HPS3: variants seen among roughly 807,000 people sequenced by gnomAD.
HPS3 encodes BLOC-2 complex member HPS3.
HPS3 carries 79 observed loss-of-function variants against 110.9 expected under a neutral mutation model. The ratio of observed to expected loss-of-function variants is 0.71; its 90% CI spans 0.59 to 0.86. HPS3 has a LOEUF of 0.86. Among genes scored for constraint, HPS3 ranks in the 40% least tolerant of loss-of-function variants. The probability of loss-of-function intolerance (pLI) is 0.00; values close to 1 mark genes in which losing one functional copy is unlikely to be tolerated. For missense variants in HPS3, 1,197 were observed against 1,206.2 expected, an observed-to-expected ratio of 0.99 and a Z score of 0.11; for synonymous variants, 428 against 451.0, an observed-to-expected ratio of 0.95 and a Z score of 0.65.
At chr3:149,154,963 A>G (rs1397739217) in intron 7 of HPS3, 144 bp from the exon 8 acceptor site, 3 of 629,534 alleles carry the variant, frequency 4.8e-6, no homozygotes, top group Non-Finnish European at 8.5e-6. Flanking sequence ...AATATTCCAT[A>G]GAAATAGAGT....
intron 14 of HPS3, among the ~76,000 whole-genome samples, chr3:149,164,826 G>A (rs1488404386): frequency 1.3e-5 from 2 of 152,166 alleles, no homozygotes; most frequent in Non-Finnish European, 2.9e-5. Context: ...AATGCTGAGT[G>A]TCTGTTTTCC....
At chr3:149,139,946 A>G in intron 1 of HPS3, 58 bp from the exon 2 acceptor site, 1 of 1,484,682 alleles carries the variant, frequency 6.7e-7, no homozygotes, top group East Asian at 2.3e-5. Context: ...CATGTCAGCA[A>G]GGGAGGTGGT....
chr3:149,145,332 T>G (rs1722725126), intron 4 of HPS3, 22 bp from the exon 5 acceptor site: 1 of 1,567,798 alleles, frequency 6.4e-7, no homozygotes, highest in Non-Finnish European at 8.8e-7. Context: ...TGGTGTTTTA[T>G]TTCTTTCATT....
In HPS3 at chr3:149,129,667, G is replaced by A. The variant is rs947879361; in HGVS notation, c.-57G>A. ...GTAGTCCTACATTCGCGGTCAGCGC[G>A]GGGTCTCCGGGCGCCCTGCAGGGCG... On this transcript the variant is annotated 5_prime_UTR_variant, in exon 1 of 17. Coordinates refer to ENST00000296051, the MANE Select transcript of HPS3 (RefSeq NM_032383.5). 3.1e-5 allele frequency: 42 copies of A among 1,347,382 alleles called. No homozygotes were observed. The highest frequency in any genetic ancestry group is 4.0e-5 in the Non-Finnish European group (41 of 1,013,382). The allele number at this position is 1,347,382 out of a possible 1,614,324, so 83.5% of individuals were successfully genotyped here. A position where few individuals can be genotyped will look rare whatever the true frequency, so the allele number is the denominator to read the frequency against.
At position 149,141,321 on chromosome 3, in the gene HPS3, A is replaced by T. The variant is rs748088057; in HGVS notation, c.911A>T (p.Tyr304Phe). The part of the protein sequence containing the change: ...YRRFAPDISS[Y>F]VLSDDIKLHS... ...CGTTTTGCTCCTGATATTTCGTCCTATGTCTTGTCTGATGACATCAAGCTA... is the reference window on the plus strand; with the variant it reads ...CGTTTTGCTCCTGATATTTCGTCCTTTGTCTTGTCTGATGACATCAAGCTA... The change falls in exon 4 of 17, where the codon TAT becomes TTT. Residue 304 changes from tyrosine to phenylalanine, a missense_variant. Physicochemically the swap from Tyr to Phe is conservative, Grantham distance 22. Coordinates refer to ENST00000296051, the MANE Select transcript of HPS3 (RefSeq NM_032383.5). 7 of 1,612,030 alleles carry T rather than the reference A, an allele frequency of 4.3e-6. No homozygotes were observed. The highest frequency in any genetic ancestry group is 3.3e-5 in the Admixed American group (2 of 59,720).
chr3:149,150,929 G>A (rs1267921410), intron 6 of HPS3, among the ~76,000 whole-genome samples: 4 of 152,096 alleles, frequency 2.6e-5, no homozygotes, highest in Non-Finnish European at 4.4e-5. Context: ...TTAAAGTTTG[G>A]TAAAGAATAT....
chr3:149,155,961 G>A (rs186116335), intron 8 of HPS3, among the ~76,000 whole-genome samples: 1 of 152,224 alleles, frequency 6.6e-6, no homozygotes, highest in African/African-American at 2.4e-5. Flanking sequence ...TTGAGCCCAG[G>A]AGTTCAAGGC....
At chr3:149,169,969 G>T (rs924290035) in intron 16 of HPS3, among the ~76,000 whole-genome samples, 2 of 152,120 alleles carry the variant, frequency 1.3e-5, no homozygotes, top group Non-Finnish European at 2.9e-5. Context: ...GATTTAGGTA[G>T]CTGGTGAGTG....
chr3:149,133,333 C>A (rs754894642), intron 1 of HPS3, among the ~76,000 whole-genome samples: 12 of 151,872 alleles, frequency 7.9e-5, no homozygotes, highest in African/African-American at 2.9e-4. Flanking sequence ...GAGCTTCACT[C>A]TTGTTGGCCA....
intron 16 of HPS3, among the ~76,000 whole-genome samples, chr3:149,171,484 T>A (rs960032418): frequency 6.6e-6 from 1 of 152,180 alleles, no homozygotes; most frequent in Non-Finnish European, 1.5e-5. Flanking sequence ...TTCAAATGAT[T>A]GTACTTTTCT....
rs1179722620 is a variant in HPS3, at chr3:149,129,889, T to C, written c.166T>C (p.Cys56Arg). 2.5e-6 allele frequency: 4 copies of C among 1,587,564 alleles called. No homozygotes were observed. Among genetic ancestry groups the C allele is most frequent in the Non-Finnish European group, 3.4e-6 (4 of 1,172,714 alleles). The change falls in exon 1 of 17, where the codon TGC becomes CGC. Residue 56 changes from cysteine (C) to arginine (R), a missense_variant. Cys to Arg is a radical substitution (Grantham distance 180). Transcript: ENST00000296051. Reference sequence around the variant, plus strand: ...CGGCCAGGAGCTGTGCCAGCCGCGGTGCGCCTTCTCCACGCTGGGCCGGGT... The same window carrying C: ...CGGCCAGGAGCTGTGCCAGCCGCGGCGCGCCTTCTCCACGCTGGGCCGGGT... The part of the protein sequence containing the change: ...VAGQELCQPR[C>R]AFSTLGRVLR...
In HPS3 at chr3:149,150,651, G is replaced by A. The variant is rs1411753545; in HGVS notation, c.1216G>A (p.Glu406Lys). Residue 406 changes from glutamate (E) to lysine (K), a missense_variant, in exon 6 of 17, where the codon GAG (glutamate) becomes AAG (lysine). Coordinates refer to ENST00000296051, the MANE Select transcript of HPS3 (RefSeq NM_032383.5). ...VRCSAAAARE[E>K]DPYMDTTLKA... ...GTGCAGTGCGGCGGCAGCTCGTGAG[G>A]AGGACCCGTACATGGACACCACCCT... The A allele has an allele frequency of 6.2e-7, 1 of 1,614,046 alleles. No individual in the cohort carries two copies. Among genetic ancestry groups the A allele is most frequent in the Admixed American group, 1.7e-5 (1 of 60,022 alleles).
At chr3:149,158,312 ATTG>A (rs1347359871) in intron 9 of HPS3, among the ~76,000 whole-genome samples, 2 of 152,148 alleles carry the variant, frequency 1.3e-5, no homozygotes, top group Non-Finnish European at 2.9e-5. Context: ...ATTAACTTAA[ATTG>A]TTGTTTTTGT....
At chr3:149,130,046 G>A in intron 1 of HPS3, 106 bp downstream of exon 1, 2 of 1,136,010 alleles carry the variant, frequency 1.8e-6, no homozygotes, top group Non-Finnish European at 2.5e-6. Flanking sequence ...GGGACTTCTT[G>A]CTTCCCGGAA....
intron 1 of HPS3, among the ~76,000 whole-genome samples, chr3:149,131,839 C>A (rs777987853): frequency 3.3e-5 from 5 of 152,156 alleles, no homozygotes; most frequent in Non-Finnish European, 5.9e-5. Context: ...AGGAAAAGTT[C>A]TTGAAATTAA....
chr3:149,142,523 A>G (rs1310701547), intron 4 of HPS3, among the ~76,000 whole-genome samples: 3 of 152,212 alleles, frequency 2.0e-5, no homozygotes, highest in African/African-American at 7.2e-5. Context: ...AAACTCCCCA[A>G]GAGTCTAATG....
chr3:149,160,259 G>A lies in HPS3; in HGVS notation c.2086G>A (p.Glu696Lys). ...GGGAGATCTTGACATGCACAGAAAT[G>A]AAATGAAAAGCCATTCAGAGGTATG... is the stretch of plus-strand genomic sequence containing the variant. ...KMGDLDMHRN[E>K]MKSHSEMKLV... The change falls in exon 11 of 17, where the codon GAA becomes AAA. Residue 696 changes from glutamate to lysine, a missense_variant. Glu to Lys is a moderately conservative substitution (Grantham distance 56). Coordinates refer to ENST00000296051, the MANE Select transcript of HPS3 (RefSeq NM_032383.5). The A allele has an allele frequency of 6.2e-7, 1 of 1,613,022 alleles. No homozygotes were observed. Among genetic ancestry groups the A allele is most frequent in the African/African-American group, 1.3e-5 (1 of 75,008 alleles).
chr3:149,154,357 T>C (rs911989779), intron 7 of HPS3, among the ~76,000 whole-genome samples: 1 of 152,210 alleles, frequency 6.6e-6, no homozygotes, highest in African/African-American at 2.4e-5. Flanking sequence ...CATAGATTTT[T>C]ACTTTTTCAA....
intron 9 of HPS3, 63 bp from the exon 10 acceptor site, chr3:149,158,603 C>CCCCA: frequency 6.9e-7 from 1 of 1,444,412 alleles, no homozygotes; most frequent in Non-Finnish European, 9.7e-7. Flanking sequence ...GTCTGGGCAA[C>CCCCA]ATAGTGAGAC....
Sources: gnomAD v4.1 joint callset for allele counts (sites outside exome capture counted in the v4.1 genomes callset) on GRCh38, gnomAD v4.1.1 for gene constraint, MANE v1.5 for transcripts, NCBI Gene and HGNC (gene_info 2026-07-23, HGNC 2026-07-21) for gene names.